Variants in FRMD4A observed in about 807,000 individuals in gnomAD.
FRMD4A encodes FERM domain containing 4A, also known as FERM domain-containing protein 4A.
FRMD4A carries 29 observed loss-of-function variants against 129.1 expected under a neutral mutation model. The ratio of observed to expected loss-of-function variants is 0.22; its 90% CI spans 0.17 to 0.31. The LOEUF (loss-of-function observed/expected upper bound fraction) is 0.31. Among genes scored for constraint, FRMD4A ranks in the 10% least tolerant of loss-of-function variants. The probability of loss-of-function intolerance (pLI) is 1.00; values close to 1 mark genes in which losing one functional copy is unlikely to be tolerated. For missense variants in FRMD4A, 1,272 were observed against 1,375.8 expected, an observed-to-expected ratio of 0.92 and a Z score of 1.19; for synonymous variants, 634 against 571.6, an observed-to-expected ratio of 1.11 and a Z score of -1.56.
intron 2 of FRMD4A, among the ~76,000 whole-genome samples, chr10:14,169,857 A>C (rs536804071): frequency 6.6e-6 from 1 of 152,270 alleles, no homozygotes; most frequent in South Asian, 2.1e-4. Flanking sequence ...TATTTAGTGT[A>C]TTTGCAAGTA....
chr10:14,318,663 A>C (rs143724487), intron 2 of FRMD4A, among the ~76,000 whole-genome samples: 14 of 152,072 alleles, frequency 9.2e-5, no homozygotes, highest in Admixed American at 5.2e-4. Flanking sequence ...TCACTCATTC[A>C]ATCAATATTT....
chr10:13,826,216 C>T (rs565336698), intron 3 of FRMD4A, among the ~76,000 whole-genome samples: 15 of 152,280 alleles, frequency 9.9e-5, no homozygotes, highest in African/African-American at 2.2e-4. Flanking sequence ...AAAATTATCC[C>T]CTCCTCACTT....
chr10:14,295,148 T>C (rs944787523), intron 2 of FRMD4A, among the ~76,000 whole-genome samples: 2 of 152,134 alleles, frequency 1.3e-5, no homozygotes, highest in Admixed American at 1.3e-4. Flanking sequence ...AACATCAACA[T>C]GCTTGGAGGG....
chr10:14,175,432 G>A (rs957687206), intron 2 of FRMD4A, among the ~76,000 whole-genome samples: 21 of 150,386 alleles, frequency 1.4e-4, no homozygotes, highest in South Asian at 1.0e-3. Context: ...TTCTCCTCCC[G>A]TTCACACATC....
chr10:14,101,666 G>A (rs1837309277), intron 2 of FRMD4A, among the ~76,000 whole-genome samples: 1 of 152,074 alleles, frequency 6.6e-6, no homozygotes, highest in Admixed American at 6.6e-5. Flanking sequence ...ATTTGGACCT[G>A]GTCTTTATGG....
intron 2 of FRMD4A, among the ~76,000 whole-genome samples, chr10:13,913,795 C>T (rs2094969489): frequency 1.3e-5 from 2 of 152,160 alleles, no homozygotes; most frequent in African/African-American, 4.8e-5. Flanking sequence ...AAATAGACTC[C>T]CAAAGTCCCT....
intron 2 of FRMD4A, among the ~76,000 whole-genome samples, chr10:13,905,140 C>T (rs997638387): frequency 6.6e-6 from 1 of 152,138 alleles, no homozygotes; most frequent in Non-Finnish European, 1.5e-5. Flanking sequence ...AGTCGCAACA[C>T]TGGCCCCAAC....
At chr10:13,754,177 T>C (rs1484334001) in intron 8 of FRMD4A, among the ~76,000 whole-genome samples, 1 of 152,196 alleles carries the variant, frequency 6.6e-6, no homozygotes, top group African/African-American at 2.4e-5. Flanking sequence ...AAATATGATA[T>C]TTTAATATGT....
At chr10:13,804,428 G>A (rs138687077) in intron 4 of FRMD4A, among the ~76,000 whole-genome samples, 1 of 152,152 alleles carries the variant, frequency 6.6e-6, no homozygotes, top group Non-Finnish European at 1.5e-5. Context: ...TGAAACAAAC[G>A]CGAGGACCTG....
chr10:14,058,824 TA>T (rs1834668852), intron 2 of FRMD4A, among the ~76,000 whole-genome samples: 1 of 152,160 alleles, frequency 6.6e-6, no homozygotes. Flanking sequence ...ATCCACCTGC[TA>T]AATCGTAGCT....
chr10:14,059,741 C>G (rs978330678), intron 2 of FRMD4A, among the ~76,000 whole-genome samples: 3 of 152,224 alleles, frequency 2.0e-5, no homozygotes, highest in African/African-American at 7.2e-5. Flanking sequence ...AAGCTTCTCA[C>G]GAGCATCTCA....
At chr10:14,067,694 G>C (rs770828469) in intron 2 of FRMD4A, among the ~76,000 whole-genome samples, 1 of 152,146 alleles carries the variant, frequency 6.6e-6, no homozygotes, top group Admixed American at 6.5e-5. Context: ...GTGCATGCCC[G>C]TAGTCCCAGC....
intron 6 of FRMD4A, among the ~76,000 whole-genome samples, chr10:13,778,819 C>T (rs1163697613): frequency 3.3e-5 from 5 of 152,112 alleles, no homozygotes; most frequent in African/African-American, 9.7e-5. Context: ...GTGATCTCAT[C>T]TTCATTCACT....
intron 2 of FRMD4A, among the ~76,000 whole-genome samples, chr10:13,970,441 C>T (rs545580337): frequency 2.6e-5 from 4 of 152,122 alleles, no homozygotes; most frequent in Non-Finnish European, 5.9e-5. Context: ...AGGGGTGGAG[C>T]GAGGGGACGG....
intron 24 of FRMD4A, chr10:13,650,942 T>C (rs982332036): frequency 6.6e-6 from 1 of 152,152 alleles, no homozygotes; most frequent in Non-Finnish European, 1.5e-5. Context: ...TTGCATTTTG[T>C]TTCTAAGTCT....
At chr10:13,692,130 A>C (rs2085753907) in intron 15 of FRMD4A, 1 of 139,888 alleles carries the variant, frequency 7.1e-6, no homozygotes, top group Non-Finnish European at 1.5e-5. Context: ...AGCTTATAAA[A>C]TTTTAGCAGC....
chr10:14,248,704 C>A (rs563453470), intron 2 of FRMD4A, among the ~76,000 whole-genome samples: 7 of 152,320 alleles, frequency 4.6e-5, no homozygotes, highest in Admixed American at 3.3e-4. Flanking sequence ...TTTACAATGG[C>A]CTCCAATGCT....
intron 2 of FRMD4A, among the ~76,000 whole-genome samples, chr10:14,075,181 G>A (rs1488756485): frequency 2.0e-5 from 3 of 152,116 alleles, no homozygotes; most frequent in Non-Finnish European, 4.4e-5. Flanking sequence ...ACAATAAATG[G>A]TCTACATCAC....
intron 19 of FRMD4A, among the ~76,000 whole-genome samples, chr10:13,660,941 G>A (rs556062505): frequency 2.2e-4 from 34 of 152,316 alleles, no homozygotes; most frequent in African/African-American, 7.7e-4. Context: ...TTCACTGTGG[G>A]AGGGTCTGAG....
Sources: allele counts gnomAD v4.1 joint callset (sites outside exome capture counted in the v4.1 genomes callset), GRCh38; gene constraint gnomAD v4.1.1; transcripts MANE v1.5; gene names NCBI Gene and HGNC (gene_info 2026-07-23, HGNC 2026-07-21).